RTL9: variants seen among roughly 807,000 people sequenced by gnomAD.
RTL9 encodes retrotransposon Gag-like protein 9.
RTL9 carries 19 observed loss-of-function variants against 44.7 expected under a neutral mutation model. The ratio of observed to expected loss-of-function variants is 0.42; its 90% CI spans 0.30 to 0.62. RTL9 has a LOEUF of 0.62. RTL9 is among the 20% of genes least tolerant of loss of function. The pLI, the probability that RTL9 is intolerant of heterozygous loss-of-function variation, is 0.16. For missense variants in RTL9, 1,105 were observed against 1,080.6 expected (o/e 1.02, Z -0.32); for synonymous variants, 407 against 398.9 (o/e 1.02, Z -0.24).
chrX:110,435,114 AGG>A (rs2068828156), intron 1 of RTL9, among the ~76,000 whole-genome samples: 2 of 34,141 alleles, frequency 5.9e-5, no homozygotes, highest in Non-Finnish European at 1.0e-4. Flanking sequence ...AGGGGGGAGG[AGG>A]AAGGAGGGAG....
chrX:110,426,430 T>C (rs1416434663), intron 1 of RTL9, among the ~76,000 whole-genome samples: 1 of 111,854 alleles, frequency 8.9e-6, no homozygotes, highest in Non-Finnish European at 1.9e-5. Context: ...CAAATAGTCA[T>C]GACCAGTGAC....
intron 1 of RTL9, among the ~76,000 whole-genome samples, chrX:110,405,312 A>G (rs770184324): frequency 8.9e-6 from 1 of 111,874 alleles, no homozygotes; most frequent in Non-Finnish European, 1.9e-5. Context: ...TTGGATAACC[A>G]AGAGCTCCCA....
chrX:110,426,219 A>G (rs1019547076), intron 1 of RTL9, among the ~76,000 whole-genome samples: 5 of 112,591 alleles, frequency 4.4e-5, no homozygotes, highest in African/African-American at 1.6e-4. Flanking sequence ...TCATCGATTC[A>G]GCCAGAGAAT....
At chrX:110,410,479 A>G (rs1348399492) in intron 1 of RTL9, among the ~76,000 whole-genome samples, 1 of 112,184 alleles carries the variant, frequency 8.9e-6, no homozygotes, top group Non-Finnish European at 1.9e-5. Flanking sequence ...GTAATTATCC[A>G]CCTATTTTCT....
At chrX:110,440,114 C>G (rs1174018440) in intron 1 of RTL9, 1 of 111,147 alleles carries the variant, frequency 9.0e-6, no homozygotes, top group Non-Finnish European at 1.9e-5. Flanking sequence ...GTGCCCCTTA[C>G]CGTGAGGGTG....
chrX:110,425,524 A>C (rs936101089), intron 1 of RTL9, among the ~76,000 whole-genome samples: 9 of 113,031 alleles, frequency 8.0e-5, no homozygotes, highest in Non-Finnish European at 1.7e-4. Flanking sequence ...ATCATTTCTT[A>C]AGAGGTTCTG....
At chrX:110,368,170 T>C (rs868513485) in intron 1 of RTL9, among the ~76,000 whole-genome samples, 5 of 110,038 alleles carry the variant, frequency 4.5e-5, no homozygotes, top group African/African-American at 1.7e-4. Context: ...TGAACACTTC[T>C]CTACTGCTAT....
chrX:110,419,180 A>G (rs1218899024), intron 1 of RTL9: 1 of 111,952 alleles, frequency 8.9e-6, no homozygotes, highest in Non-Finnish European at 1.9e-5. Flanking sequence ...CTCAGCTTCA[A>G]AATGCATGTA....
intron 2 of RTL9, among the ~76,000 whole-genome samples, chrX:110,445,509 G>T (rs1241434163): frequency 9.0e-6 from 1 of 111,140 alleles, no homozygotes; most frequent in Non-Finnish European, 1.9e-5. Context: ...GAAGTGGGGA[G>T]GGCTTCTACT....
intron 1 of RTL9, among the ~76,000 whole-genome samples, chrX:110,370,230 C>G (rs1569416341): frequency 9.0e-6 from 1 of 111,529 alleles, no homozygotes; most frequent in East Asian, 2.8e-4. Flanking sequence ...TTTTTAAAGA[C>G]AGAGTATCAC....
Position 110,410,076 on chromosome X carries a change from G to C in RTL9, c.-167-35077G>C, listed in dbSNP as rs373003958. Among the ~76,000 whole-genome samples the C allele has an allele frequency of 9.8e-5, 11 of 111,896 alleles. No homozygotes were observed. In the East Asian group the frequency reaches 3.1e-3, roughly 31 times the overall value. On this transcript the variant is annotated intron_variant, in intron 1 of 2. Transcript: ENST00000520821. ...GTGATTTTGATGAGGAACCCAGTTA[G>C]GGAAACCACTCAGACTGACTTTCTC...
intron 1 of RTL9, among the ~76,000 whole-genome samples, chrX:110,444,907 A>G (rs2068900595): frequency 1.8e-5 from 2 of 112,433 alleles, no homozygotes; most frequent in South Asian, 3.7e-4. Flanking sequence ...GACACTGCCC[A>G]TTTGCAGTCC....
upstream of RTL9, among the ~76,000 whole-genome samples, chrX:110,418,282 C>A (rs1262571443): frequency 8.9e-6 from 1 of 112,189 alleles, no homozygotes; most frequent in Admixed American, 9.4e-5. Context: ...AGGTACTCTG[C>A]CCCAAAGGCT....
At chrX:110,368,991 T>C (rs2068317698) in intron 1 of RTL9, among the ~76,000 whole-genome samples, 1 of 111,759 alleles carries the variant, frequency 8.9e-6, no homozygotes, top group African/African-American at 3.3e-5. Flanking sequence ...GGAAGTTCCA[T>C]AGATTCTTAA....
intron 1 of RTL9, among the ~76,000 whole-genome samples, chrX:110,369,469 A>G (rs2068322524): frequency 8.9e-6 from 1 of 112,430 alleles, no homozygotes; most frequent in Admixed American, 9.4e-5. Flanking sequence ...AGTGAAAAGT[A>G]TATTCTACCA....
chrX:110,454,148 G>A lies in RTL9; in HGVS notation c.3531G>A (p.Lys1177=), dbSNP rs772118985. 18 of 1,210,439 alleles carry A rather than the reference G, an allele frequency of 1.5e-5. No homozygotes were observed. The East Asian group carries it at 4.1e-4, about 28-fold the overall frequency. The change falls in exon 1 of 2, where the codon AAG becomes AAA. Residue 1177 remains lysine (K), a synonymous_variant. Coordinates refer to ENST00000540313, the Ensembl canonical transcript of RTL9. ...AGATTGATGAGGAGAAGCAAATGAA[G>A]GGGTTTTTGGACGATTCAGAGAGAA... is the stretch of plus-strand genomic sequence containing the variant.
exon 1 of RTL9, chrX:110,452,456 A>G: frequency 8.3e-7 from 1 of 1,211,631 alleles, no homozygotes; most frequent in South Asian, 1.8e-5. Context: ...CCTCTGGAGC[A>G]TTGTCCAAGC....
chrX:110,422,486 T>C (rs1238803930), intron 1 of RTL9, among the ~76,000 whole-genome samples: 1 of 113,002 alleles, frequency 8.8e-6, no homozygotes, highest in Non-Finnish European at 1.9e-5. Context: ...TCCCCAGTTG[T>C]GGCAAATCAC....
intron 1 of RTL9, among the ~76,000 whole-genome samples, chrX:110,366,356 T>C (rs916198729): frequency 3.6e-5 from 4 of 111,549 alleles, no homozygotes; most frequent in Non-Finnish European, 7.5e-5. Context: ...GTAATGTGAA[T>C]CTCCAAAAAC....
Sources: allele counts gnomAD v4.1 joint callset (sites outside exome capture counted in the v4.1 genomes callset), GRCh38; gene constraint gnomAD v4.1.1; transcripts MANE v1.5; gene names NCBI Gene and HGNC (gene_info 2026-07-23, HGNC 2026-07-21).